Variants in ATP2B2 observed in about 807,000 individuals in gnomAD.
ATP2B2 encodes the protein plasma membrane calcium-transporting ATPase 2.
A neutral mutation model predicts 120.0 loss-of-function variants in ATP2B2; 15 were observed. The ratio of observed to expected loss-of-function variants is 0.12; its 90% CI spans 0.08 to 0.19. The LOEUF (loss-of-function observed/expected upper bound fraction) is 0.19. Ranked by LOEUF, ATP2B2 falls within the 10% of genes least tolerant of loss-of-function variation. ATP2B2 has a pLI of 1.00. For synonymous variants in ATP2B2, 694 were observed against 700.3 expected (o/e 0.99, Z 0.14); for missense variants, 1,045 against 1,719.8 (o/e 0.61, Z 6.94).
chr3:10,402,432 C>G lies in ATP2B2; in HGVS notation c.398-84G>C. The G allele has an allele frequency of 6.4e-7, 1 of 1,562,660 alleles. No homozygotes were observed. The highest frequency in any genetic ancestry group is 8.7e-7 in the Non-Finnish European group (1 of 1,144,608). On this transcript the variant is annotated intron_variant, in intron 3 of 22. Transcript: ENST00000360273. This position sits in a 1 kb window ranked among gnomAD's most constrained non-coding sequence, Gnocchi z 4.9. Reference sequence around the variant, plus strand: ...GGCCTGGATTTACAGCTCAGCTCTGCAAAGTAACAAGTGTTAAGAATCAGA... The same window carrying G: ...GGCCTGGATTTACAGCTCAGCTCTGGAAAGTAACAAGTGTTAAGAATCAGA...
intron 5 of ATP2B2, among the ~76,000 whole-genome samples, chr3:10,393,019 C>T (rs961202567): frequency 5.9e-5 from 9 of 152,238 alleles, no homozygotes; most frequent in African/African-American, 2.2e-4. Flanking sequence ...CACAGTCCTT[C>T]ACTTGACGGA....
At chr3:10,602,726 C>T (rs553975686) in intron 2 of ATP2B2, among the ~76,000 whole-genome samples, 3 of 152,086 alleles carry the variant, frequency 2.0e-5, no homozygotes, top group Non-Finnish European at 4.4e-5. Context: ...TGGGTAATCG[C>T]GTGGGTTGTT....
At chr3:10,554,652 TG>T (rs1325852238) in intron 2 of ATP2B2, among the ~76,000 whole-genome samples, 1 of 152,232 alleles carries the variant, frequency 6.6e-6, no homozygotes, top group Non-Finnish European at 1.5e-5. Context: ...ACTACAGAAC[TG>T]TCAGCTGATC....
rs189904164 is a variant in ATP2B2, at chr3:10,460,967, A to G, written c.-319-11105T>C. ...GTCTAAGTTGGGATATTACTTTTGG[A>G]TAGTTGAGTGAGTCCTTTGGGGTCC... On this transcript the variant is annotated intron_variant, in intron 1 of 22. Coordinates refer to ENST00000360273, the MANE Select transcript of ATP2B2 (RefSeq NM_001001331.4). Among the ~76,000 whole-genome samples, 759 of 152,234 alleles carry G rather than the reference A, an allele frequency of 5.0e-3. 3 individuals carry two copies. The highest frequency in any genetic ancestry group is 7.4e-3 in the Non-Finnish European group (500 of 68,022).
At chr3:10,652,756 C>A (rs2070500051) in intron 1 of ATP2B2, among the ~76,000 whole-genome samples, 1 of 152,174 alleles carries the variant, frequency 6.6e-6, no homozygotes, top group Admixed American at 6.5e-5. Context: ...TATACACACA[C>A]AGTTGAATAT....
intron 2 of ATP2B2, among the ~76,000 whole-genome samples, chr3:10,536,267 C>T (rs552198556): frequency 1.3e-5 from 2 of 149,808 alleles, no homozygotes; most frequent in South Asian, 2.1e-4. Context: ...AGTACCTCAT[C>T]GGTTTTGTGG....
chr3:10,507,351 G>A (rs2066662543), upstream of ATP2B2, among the ~76,000 whole-genome samples: 1 of 152,042 alleles, frequency 6.6e-6, no homozygotes, highest in South Asian at 2.1e-4. Flanking sequence ...GTAGTTGGGG[G>A]GATTCCACTG....
chr3:10,388,520 A>G, intron 5 of ATP2B2, 118 bp from the exon 6 acceptor site: 1 of 1,442,292 alleles, frequency 6.9e-7, no homozygotes, highest in Non-Finnish European at 9.7e-7. Context: ...GTCATGGGGC[A>G]TCACCTATGG....
intron 13 of ATP2B2, among the ~76,000 whole-genome samples, 171 bp downstream of exon 13, chr3:10,359,711 C>T (rs2060840675): frequency 1.3e-5 from 2 of 152,298 alleles, no homozygotes; most frequent in Non-Finnish European, 2.9e-5. Flanking sequence ...ATGAGTCTTG[C>T]TGGGTGACCT....
intron 3 of ATP2B2, among the ~76,000 whole-genome samples, chr3:10,530,887 C>T (rs566588231): frequency 1.4e-4 from 21 of 152,260 alleles, no homozygotes; most frequent in Middle Eastern, 3.4e-3. Context: ...AGGAAAGATG[C>T]CTGTCATTTT....
At chr3:10,677,160 A>T in intron 1 of ATP2B2, among the ~76,000 whole-genome samples, 1 of 152,222 alleles carries the variant, frequency 6.6e-6, no homozygotes, top group Non-Finnish European at 1.5e-5. Flanking sequence ...GGAAGCAACC[A>T]AGATGTCCTC....
At chr3:10,391,248 G>A (rs1043557957) in intron 5 of ATP2B2, among the ~76,000 whole-genome samples, 13 of 152,150 alleles carry the variant, frequency 8.5e-5, no homozygotes, top group Non-Finnish European at 1.8e-4. Context: ...CTGCAGGTGA[G>A]GGGCAGAGCC....
chr3:10,702,658 GCT>G (rs753837377), intron 1 of ATP2B2, among the ~76,000 whole-genome samples: 15 of 152,150 alleles, frequency 9.9e-5, no homozygotes, highest in Non-Finnish European at 2.1e-4. Flanking sequence ...ATTCACTTGG[GCT>G]CTGCCCAGCA....
chr3:10,487,826 T>C (rs1178233770), intron 1 of ATP2B2, among the ~76,000 whole-genome samples: 1 of 152,216 alleles, frequency 6.6e-6, no homozygotes, highest in Non-Finnish European at 1.5e-5. Flanking sequence ...GTCATGTCCC[T>C]GTACAATAAC....
chr3:10,639,581 C>G (rs930193373), intron 1 of ATP2B2, among the ~76,000 whole-genome samples: 7 of 152,166 alleles, frequency 4.6e-5, no homozygotes, highest in African/African-American at 1.7e-4. Flanking sequence ...ATACCAGAAC[C>G]TTGATGGATG....
At chr3:10,515,967 A>G (rs1050725626) in intron 3 of ATP2B2, among the ~76,000 whole-genome samples, 1 of 152,120 alleles carries the variant, frequency 6.6e-6, no homozygotes, top group Non-Finnish European at 1.5e-5. Context: ...CTTGTTCTGG[A>G]GTTGCTTATA....
At chr3:10,582,486 A>T (rs751807960) in intron 2 of ATP2B2, among the ~76,000 whole-genome samples, 1 of 152,224 alleles carries the variant, frequency 6.6e-6, no homozygotes, top group Non-Finnish European at 1.5e-5. Context: ...GAACACAGAG[A>T]TGAATAAACT....
chr3:10,599,986 C>T (rs561241400), intron 2 of ATP2B2, among the ~76,000 whole-genome samples: 1 of 152,336 alleles, frequency 6.6e-6, no homozygotes, highest in East Asian at 1.9e-4. Context: ...TTGTGCTAGG[C>T]TTTCCCACAG....
intron 1 of ATP2B2, among the ~76,000 whole-genome samples, chr3:10,476,882 C>A (rs763068084): frequency 6.6e-6 from 1 of 152,154 alleles, no homozygotes; most frequent in Non-Finnish European, 1.5e-5. Context: ...AGGGTCTATG[C>A]CACACCCTGG....
Sources: allele counts gnomAD v4.1 joint callset (sites outside exome capture counted in the v4.1 genomes callset), GRCh38; gene constraint gnomAD v4.1.1; non-coding constraint Gnocchi (gnomAD v3.1); transcripts MANE v1.5; gene names NCBI Gene and HGNC (gene_info 2026-07-23, HGNC 2026-07-21).